Variants in SERPIND1 observed in about 807,000 individuals in gnomAD.
SERPIND1 encodes heparin cofactor 2.
SERPIND1 carries 34 observed loss-of-function variants against 35.0 expected under a neutral mutation model. That is an observed-to-expected ratio of 0.97 (90% CI 0.74 to 1.29). The LOEUF is 1.29. Among genes scored for constraint, SERPIND1 ranks in the 50% most tolerant of loss-of-function variants. The pLI is 0.00. For missense variants in SERPIND1, 633 were observed against 637.7 expected (o/e 0.99, Z 0.08); for synonymous variants, 236 against 241.1 (o/e 0.98, Z 0.19).
chr22:20,783,741 G>A (rs1194182789), intron 2 of SERPIND1, among the ~76,000 whole-genome samples: 1 of 152,154 alleles, frequency 6.6e-6, no homozygotes. Flanking sequence ...CAACTAGTTC[G>A]TATCAGACCC....
At chr22:20,783,121 T>C (rs1933927172) in intron 2 of SERPIND1, among the ~76,000 whole-genome samples, 1 of 152,238 alleles carries the variant, frequency 6.6e-6, no homozygotes, top group Non-Finnish European at 1.5e-5. Flanking sequence ...TGGCCAGTTC[T>C]CAACTACTAG....
At chr22:20,785,766 C>T (rs1273428887) in intron 3 of SERPIND1, among the ~76,000 whole-genome samples, 1 of 152,106 alleles carries the variant, frequency 6.6e-6, no homozygotes, top group Non-Finnish European at 1.5e-5. Context: ...AGGAAACGAA[C>T]CATACAGTCT....
At position 20,787,638 on chromosome 22, in the gene SERPIND1, C is replaced by A. The variant is rs192316527; in HGVS notation, c.*572C>A. 8 of 169,436 alleles carry A rather than the reference C, an allele frequency of 4.7e-5. 1 individual carries two copies. The East Asian group carries it at 1.3e-3, about 26-fold the overall frequency. The allele number at this position is 169,436 out of a possible 1,614,324, so 10.5% of individuals were successfully genotyped here. On this transcript the variant is annotated 3_prime_UTR_variant, in exon 5 of 5. Transcript: ENST00000215727. ...TGATGAATGCCATCAGTCCCTCCTG[C>A]TGTTGCCTCCCTGTGACCTGGAGGA...
chr22:20,779,357 A>G lies in SERPIND1; in HGVS notation c.45A>G (p.Thr15=). The part of the protein sequence containing the change: ...LNALLIFLII[T]SAWGGSKGPL... ...CACTTCTCATTTTCCTCATCATAAC[A>G]TCTGCGTGGGGTGGGAGCAAAGGCC... Residue 15 remains threonine (T), a synonymous_variant, in exon 2 of 5, where the codon ACA becomes ACG. Coordinates refer to ENST00000215727, the MANE Select transcript of SERPIND1 (RefSeq NM_000185.4). 6.2e-7 allele frequency: 1 copy of G among 1,614,196 alleles called. No homozygotes were observed. The highest frequency in any genetic ancestry group is 8.5e-7 in the Non-Finnish European group (1 of 1,180,032).
intron 1 of SERPIND1, among the ~76,000 whole-genome samples, chr22:20,775,514 C>T (rs1933198845): frequency 6.6e-6 from 1 of 152,192 alleles, no homozygotes; most frequent in Non-Finnish European, 1.5e-5. Context: ...ATAAAACATG[C>T]ATGTCTTTAC....
chr22:20,779,450 T>C lies in SERPIND1; in HGVS notation c.138T>C (p.Asn46=), dbSNP rs780678676. Residue 46 remains asparagine (N), a synonymous_variant, in exon 2 of 5, where the codon AAT becomes AAC. Coordinates refer to ENST00000215727, the MANE Select transcript of SERPIND1 (RefSeq NM_000185.4). ...QSADPQWEQL[N]NKNLSMPLLP... Reference sequence around the variant, plus strand: ...CAGATCCCCAGTGGGAGCAGTTAAATAACAAAAACCTGAGCATGCCTCTTC... The same window carrying C: ...CAGATCCCCAGTGGGAGCAGTTAAACAACAAAAACCTGAGCATGCCTCTTC... 6.2e-7 allele frequency: 1 copy of C among 1,614,102 alleles called. No individual in the cohort carries two copies. The highest frequency in any genetic ancestry group is 8.5e-7 in the Non-Finnish European group (1 of 1,179,992).
At chr22:20,779,108 T>TC in intron 1 of SERPIND1, 189 bp from the exon 2 acceptor site, 1 of 1,334,556 alleles carries the variant, frequency 7.5e-7, no homozygotes, top group East Asian at 2.6e-5. Flanking sequence ...GGTTTATGAG[T>TC]CCCACATCAA....
chr22:20,786,954 T>C lies in SERPIND1; in HGVS notation c.1388T>C (p.Leu463Pro). Reference sequence around the variant, plus strand: ...GTGACCACGGTGGGGTTCATGCCGCTGTCCACCCAAGTCCGCTTCACTGTC... The same window carrying C: ...GTGACCACGGTGGGGTTCATGCCGCCGTCCACCCAAGTCCGCTTCACTGTC... ...TTVTTVGFMP[L>P]STQVRFTVDR... Residue 463 changes from leucine (L) to proline (P), a missense_variant, in exon 5 of 5, where the codon CTG becomes CCG. By Grantham distance (98) the Leu-to-Pro change is moderately conservative. Coordinates refer to ENST00000215727, the MANE Select transcript of SERPIND1 (RefSeq NM_000185.4). The C allele has an allele frequency of 6.2e-7, 1 of 1,614,168 alleles. No individual in the cohort carries two copies. The highest frequency in any genetic ancestry group is 8.5e-7 in the Non-Finnish European group (1 of 1,180,036).
intron 1 of SERPIND1, among the ~76,000 whole-genome samples, chr22:20,775,691 T>G (rs1335330478): frequency 2.0e-5 from 3 of 152,192 alleles, no homozygotes; most frequent in Admixed American, 2.0e-4. Flanking sequence ...GGTCTTGCTA[T>G]GTTGCTCCAG....
chr22:20,778,050 T>C lies in SERPIND1; in HGVS notation c.-16-1247T>C, dbSNP rs559981214. On this transcript the variant is annotated intron_variant, in intron 1 of 4. Transcript: ENST00000215727. ...AGAAGCAGTAACACAGAAGATTTAG[T>C]TGCTCCTGACAGCAGTGGGAGCTAT... Among the ~76,000 whole-genome samples the C allele has an allele frequency of 9.9e-5, 15 of 152,272 alleles. No homozygotes were observed. In the East Asian group the frequency reaches 2.9e-3, roughly 29 times the overall value.
At position 20,786,961 on chromosome 22, in the gene SERPIND1, C is replaced by T. The variant is rs143886146; in HGVS notation, c.1395C>T (p.Thr465=). The T allele has an allele frequency of 5.1e-5, 82 of 1,614,052 alleles. No homozygotes were observed. The Middle Eastern group carries it at 1.5e-3, about 29-fold the overall frequency. Residue 465 remains threonine (T), a synonymous_variant, in exon 5 of 5, where the codon ACC becomes ACT. Transcript: ENST00000215727. ...VTTVGFMPLS[T]QVRFTVDRPF... ...CGGTGGGGTTCATGCCGCTGTCCACCCAAGTCCGCTTCACTGTCGACCGCC... is the reference window on the plus strand; with the variant it reads ...CGGTGGGGTTCATGCCGCTGTCCACTCAAGTCCGCTTCACTGTCGACCGCC...
Position 20,774,159 on chromosome 22 carries a change from C to T in SERPIND1, c.-17+14C>T, listed in dbSNP as rs1933055882. ...AGAAACACAGAGGTAAGTTGGGTTT[C>T]TAATGTTTCTGCTGATTATAAATTA... On this transcript the variant is annotated intron_variant, in intron 1 of 4. Transcript: ENST00000215727. 1 of 152,194 alleles carries T rather than the reference C, an allele frequency of 6.6e-6. No individual in the cohort carries two copies. Among genetic ancestry groups the T allele is most frequent in the Non-Finnish European group, 1.5e-5 (1 of 68,030 alleles). The allele number at this position is 152,194 out of a possible 1,614,324, so 9.4% of individuals were successfully genotyped here.
chr22:20,779,370 G>A lies in SERPIND1; in HGVS notation c.58G>A (p.Gly20Arg). The part of the protein sequence containing the change: ...IFLIITSAWG[G>R]SKGPLDQLEK... ...CCTCATCATAACATCTGCGTGGGGT[G>A]GGAGCAAAGGCCCGCTGGATCAGCT... Residue 20 changes from glycine to arginine, a missense_variant, in exon 2 of 5, where the codon GGG becomes AGG. By Grantham distance (125) the Gly-to-Arg change is moderately radical. Transcript: ENST00000215727. 6.2e-7 allele frequency: 1 copy of A among 1,614,212 alleles called. No individual in the cohort carries two copies. The highest frequency in any genetic ancestry group is 8.5e-7 in the Non-Finnish European group (1 of 1,180,044).
chr22:20,781,313 C>A (rs541797816), intron 2 of SERPIND1, among the ~76,000 whole-genome samples: 1 of 152,300 alleles, frequency 6.6e-6, no homozygotes, highest in South Asian at 2.1e-4. Context: ...AGGGGAAACA[C>A]GAGGAATGGT....
rs762486261 is a variant in SERPIND1 at position 20,779,332 on chromosome 22, C to G, written c.20C>G (p.Ala7Gly). MKHSLN[A>G]LLIFLIITSA... ...GCCAAAATGAAACACTCATTAAACG[C>G]ACTTCTCATTTTCCTCATCATAACA... Residue 7 changes from alanine to glycine, a missense_variant, in exon 2 of 5, where the codon GCA becomes GGA. By Grantham distance (60) the Ala-to-Gly change is moderately conservative. Coordinates refer to ENST00000215727, the MANE Select transcript of SERPIND1 (RefSeq NM_000185.4). 6.2e-7 allele frequency: 1 copy of G among 1,614,198 alleles called. No individual in the cohort carries two copies. Among genetic ancestry groups the G allele is most frequent in the East Asian group, 2.2e-5 (1 of 44,876 alleles).
rs756525062 is a variant in SERPIND1 at position 20,784,061 on chromosome 22, C to T, written c.979C>T (p.Gln327Ter). The change falls in exon 3 of 5, where the codon CAG becomes TAG. Residue 327 changes from glutamine (Q) to a stop codon, truncating the protein, a stop_gained. Transcript: ENST00000215727. LOFTEE classifies it high-confidence loss of function. ...AGAGGTAGTTAAGGTTTCCATGATG[C>T]AGACCAAGGGGAACTTCCTCGCAGC... ...EREVVKVSMMQTKGNFLAAND... is the reference protein window; with the variant it reads ...EREVVKVSMM 1.9e-6 allele frequency: 3 copies of T among 1,614,020 alleles called. No homozygotes were observed. Among genetic ancestry groups the T allele is most frequent in the Non-Finnish European group, 2.5e-6 (3 of 1,180,036 alleles).
chr22:20,785,640 C>T (rs977896804), intron 3 of SERPIND1, among the ~76,000 whole-genome samples: 4 of 152,014 alleles, frequency 2.6e-5, no homozygotes, highest in Non-Finnish European at 5.9e-5. Context: ...ATATTCGACT[C>T]CTTAATTACA....
chr22:20,780,083 C>G lies in SERPIND1; in HGVS notation c.771C>G (p.Ala257=). 6.2e-7 allele frequency: 1 copy of G among 1,614,136 alleles called. No individual in the cohort carries two copies. Among genetic ancestry groups the G allele is most frequent in the Non-Finnish European group, 8.5e-7 (1 of 1,180,036 alleles). ...EAQIADFSDP[A]FISKTNNHIM... ...AGATAGCTGACTTCTCAGACCCTGC[C>G]TTCATATCAAAAACCAACAACCACA... is the stretch of plus-strand genomic sequence containing the variant. Residue 257 remains alanine (A), a synonymous_variant, in exon 2 of 5, where the codon GCC becomes GCG. Transcript: ENST00000215727.
At chr22:20,779,051 C>A in intron 1 of SERPIND1, 1 of 864,856 alleles carries the variant, frequency 1.2e-6, no homozygotes, top group Non-Finnish European at 1.7e-6. Flanking sequence ...TTTTGCAAAC[C>A]TTTAAAGAAG....
Sources: allele counts gnomAD v4.1 joint callset (sites outside exome capture counted in the v4.1 genomes callset), GRCh38; gene constraint gnomAD v4.1.1; transcripts MANE v1.5; gene names NCBI Gene and HGNC (gene_info 2026-07-23, HGNC 2026-07-21).